AADAC: variants seen among roughly 807,000 people sequenced by gnomAD.
AADAC encodes the protein arylacetamide deacetylase.
In AADAC, 17 loss-of-function variants were observed where a neutral mutation model predicts 22.7. The observed-to-expected ratio is 0.75, with a 90% CI of 0.51 to 1.12. The LOEUF is 1.12. Ranked by LOEUF, AADAC falls within the 50% of genes most tolerant of loss-of-function variation. The pLI, the probability that AADAC is intolerant of heterozygous loss-of-function variation, is 0.00. For missense variants in AADAC, 465 were observed against 473.9 expected (o/e 0.98, Z 0.17); for synonymous variants, 167 against 176.3 (o/e 0.95, Z 0.42).
intron 2 of AADAC, among the ~76,000 whole-genome samples, chr3:151,819,981 T>C (rs1422171155): frequency 6.6e-6 from 1 of 152,106 alleles, no homozygotes; most frequent in East Asian, 1.9e-4. Context: ...CTATATCTCC[T>C]TGGCTCACAT....
intron 1 of AADAC, 28 bp downstream of exon 1, chr3:151,814,328 T>G: frequency 6.3e-7 from 1 of 1,598,908 alleles, no homozygotes; most frequent in South Asian, 1.1e-5. Context: ...TGAATTCAGA[T>G]GTGCATACAC....
intron 2 of AADAC, among the ~76,000 whole-genome samples, chr3:151,817,797 G>A (rs1386819799): frequency 2.0e-5 from 3 of 151,976 alleles, no homozygotes; most frequent in East Asian, 1.9e-4. Flanking sequence ...GTAGAGGTGA[G>A]AAGAAACTTT....
chr3:151,814,374 T>C lies in AADAC; in HGVS notation c.138+74T>C, dbSNP rs555871897. 43 of 1,410,268 alleles carry C rather than the reference T, an allele frequency of 3.0e-5. No homozygotes were observed. In the East Asian group the frequency reaches 8.6e-4, roughly 28 times the overall value. 87.4% of individuals were successfully genotyped at this position (1,410,268 alleles called of 1,614,324 possible). ...CCCAGAGAATTAAGTTTTTCAAGATTCTATTCTTTTGATTTATTGACTTAT... is the reference window on the plus strand; with the variant it reads ...CCCAGAGAATTAAGTTTTTCAAGATCCTATTCTTTTGATTTATTGACTTAT... On this transcript the variant is annotated intron_variant, in intron 1 of 4. Transcript: ENST00000232892.
At position 151,814,250 on chromosome 3, in the gene AADAC, C is replaced by A. The variant is rs371843582; in HGVS notation, c.88C>A (p.Pro30Thr). ...GCCTCTCCCAGATAACGTTGAGGAG[C>A]CATGGAGAATGATGTGGATAAACGC... ...YTPLPDNVEE[P>T]WRMMWINAHL... is the part of the protein sequence containing the mutation. Residue 30 changes from proline to threonine, a missense_variant, in exon 1 of 5, where the codon CCA becomes ACA. Coordinates refer to ENST00000232892, the MANE Select transcript of AADAC (RefSeq NM_001086.3). 112 of 1,613,000 alleles carry A rather than the reference C, an allele frequency of 6.9e-5. 2 individuals are homozygous for A. The highest frequency in any genetic ancestry group is 8.9e-5 in the Non-Finnish European group (105 of 1,179,388).
At chr3:151,819,502 T>G (rs546022119) in intron 2 of AADAC, among the ~76,000 whole-genome samples, 2 of 152,066 alleles carry the variant, frequency 1.3e-5, no homozygotes, top group African/African-American at 4.8e-5. Flanking sequence ...TAAAAGGACT[T>G]AGTTGTGAAA....
intron 3 of AADAC, among the ~76,000 whole-genome samples, chr3:151,822,843 T>C (rs1460799916): frequency 2.0e-5 from 3 of 151,970 alleles, no homozygotes; most frequent in East Asian, 3.8e-4. Flanking sequence ...TCTGAATATA[T>C]TGAAAATCAC....
chr3:151,820,432 T>C lies in AADAC; in HGVS notation c.411T>C (p.Asp137=), dbSNP rs140139315. 6 of 1,589,314 alleles carry C rather than the reference T, an allele frequency of 3.8e-6. No homozygotes were observed. The African/African-American group carries it at 5.4e-5, about 14-fold the overall frequency. ...LLSRWTADRL[D]AVVVSTNYRL... ...CAAGATGGACAGCAGACAGACTTGA[T>C]GCTGTCGTCGTATCAACCAAGTAAG... Residue 137 remains aspartate, a synonymous_variant, in exon 3 of 5, where the codon GAT becomes GAC. Coordinates refer to ENST00000232892, the MANE Select transcript of AADAC (RefSeq NM_001086.3).
chr3:151,819,869 T>C (rs1716160858), intron 2 of AADAC, among the ~76,000 whole-genome samples: 1 of 152,030 alleles, frequency 6.6e-6, no homozygotes. Flanking sequence ...TAAGTTCCAG[T>C]GTTTGTTTAA....
rs561273141 is a variant in AADAC, at chr3:151,826,136, C to T, written c.603+1302C>T. Among the ~76,000 whole-genome samples, 11 of 152,042 alleles carry T rather than the reference C, an allele frequency of 7.2e-5. No homozygotes were observed. In the East Asian group the frequency reaches 2.1e-3, roughly 29 times the overall value. On this transcript the variant is annotated intron_variant, in intron 4 of 4. Coordinates refer to ENST00000232892, the MANE Select transcript of AADAC (RefSeq NM_001086.3). Reference sequence around the variant, plus strand: ...CTAAAAGCATTTTGACTGCTAGAATCTGTTGGACAATATTCTCAAAAGTAA... The same window carrying T: ...CTAAAAGCATTTTGACTGCTAGAATTTGTTGGACAATATTCTCAAAAGTAA...
intron 1 of AADAC, among the ~76,000 whole-genome samples, chr3:151,815,549 T>C (rs1715947650): frequency 6.6e-6 from 1 of 151,918 alleles, no homozygotes; most frequent in Non-Finnish European, 1.5e-5. Context: ...TCCCTCATAT[T>C]TGCTGTCTGT....
intron 1 of AADAC, among the ~76,000 whole-genome samples, chr3:151,815,186 T>C (rs1376631602): frequency 6.6e-6 from 1 of 151,862 alleles, no homozygotes; most frequent in Admixed American, 6.6e-5. Flanking sequence ...AGAGAGTAAT[T>C]TGGGCAGAAG....
intron 2 of AADAC, among the ~76,000 whole-genome samples, chr3:151,818,098 G>A (rs559916812): frequency 7.3e-5 from 11 of 151,722 alleles, no homozygotes; most frequent in East Asian, 3.9e-4. Context: ...AAAATTAGCC[G>A]GGTGTGGTGG....
In AADAC at chr3:151,828,179, A is replaced by T. The variant is rs370632780; in HGVS notation, c.*7A>T. 1 of 1,459,160 alleles carries T rather than the reference A, an allele frequency of 6.9e-7. No individual in the cohort carries two copies. Among genetic ancestry groups the T allele is most frequent in the Non-Finnish European group, 9.2e-7 (1 of 1,082,356 alleles). 90.4% of individuals were successfully genotyped at this position (1,459,160 alleles called of 1,614,324 possible). On this transcript the variant is annotated 3_prime_UTR_variant, in exon 5 of 5. Transcript: ENST00000232892. ...GCTAAAGGAAAATCTATAGTAAAAC[A>T]TGTAGCTATAACATATTTTAAAAAT... is the stretch of plus-strand genomic sequence containing the variant.
In AADAC at chr3:151,824,738, TAAA is replaced by T. The variant is rs1716403192; in HGVS notation, c.511_513del (p.Lys171del). On this transcript the variant is annotated inframe_deletion, in exon 4 of 5. Coordinates refer to ENST00000232892, the MANE Select transcript of AADAC (RefSeq NM_001086.3). Reference sequence around the variant, plus strand: ...ATAATGCCTTAAGGTGGTTCTTACGTAAAAAAGTTCTTGCAAAATATGGTGTGA... The same window carrying T: ...ATAATGCCTTAAGGTGGTTCTTACGTAAAGTTCTTGCAAAATATGGTGTGA... The T allele has an allele frequency of 1.2e-6, 2 of 1,608,998 alleles. No individual in the cohort carries two copies. Among genetic ancestry groups the T allele is most frequent in the Admixed American group, 3.4e-5 (2 of 59,160 alleles).
chr3:151,823,831 T>G (rs891719148), intron 3 of AADAC, among the ~76,000 whole-genome samples: 1 of 152,040 alleles, frequency 6.6e-6, no homozygotes, highest in Admixed American at 6.6e-5. Flanking sequence ...CAGCACTGTT[T>G]GTGCCCAAGA....
At chr3:151,824,014 T>C (rs951739983) in intron 3 of AADAC, among the ~76,000 whole-genome samples, 1 of 152,058 alleles carries the variant, frequency 6.6e-6, no homozygotes, top group Non-Finnish European at 1.5e-5. Flanking sequence ...AGCAGATCTG[T>C]GGAGCTTATT....
chr3:151,818,260 A>G (rs917945621), intron 2 of AADAC, among the ~76,000 whole-genome samples: 1 of 151,788 alleles, frequency 6.6e-6, no homozygotes, highest in African/African-American at 2.4e-5. Context: ...AAAAAAGAAA[A>G]AAATCCTGTC....
chr3:151,815,837 C>G (rs778098444), intron 1 of AADAC, among the ~76,000 whole-genome samples: 15 of 151,796 alleles, frequency 9.9e-5, no homozygotes, highest in Non-Finnish European at 2.2e-4. Context: ...CCTGGTTTGT[C>G]CCTTTTTTCC....
chr3:151,821,863 T>C (rs1716268234), intron 3 of AADAC, among the ~76,000 whole-genome samples: 1 of 151,896 alleles, frequency 6.6e-6, no homozygotes, highest in Admixed American at 6.6e-5. Flanking sequence ...TATTCAAAGA[T>C]AGATAATTTT....
Sources: allele counts gnomAD v4.1 joint callset (sites outside exome capture counted in the v4.1 genomes callset), GRCh38; gene constraint gnomAD v4.1.1; transcripts MANE v1.5; gene names NCBI Gene and HGNC (gene_info 2026-07-23, HGNC 2026-07-21).